Variants in DCC observed in about 807,000 individuals in gnomAD.
DCC encodes the protein netrin receptor DCC.
A neutral mutation model predicts 172.5 loss-of-function variants in DCC; 58 were observed. The observed-to-expected ratio is 0.34, with a 90% CI of 0.27 to 0.42. DCC has a LOEUF of 0.42. DCC is among the 10% of genes least tolerant of loss of function. The pLI is 1.00. For missense variants in DCC, 1,740 were observed against 1,791.0 expected (o/e 0.97, Z 0.51); for synonymous variants, 709 against 644.5 (o/e 1.10, Z -1.52).
chr18:53,194,766 G>A (rs1461046267), intron 9 of DCC, among the ~76,000 whole-genome samples: 2 of 152,122 alleles, frequency 1.3e-5, no homozygotes, highest in Admixed American at 6.5e-5. Flanking sequence ...CACCACGCCC[G>A]GCCCAGGTTT....
chr18:52,952,096 T>G (rs1178742065), intron 5 of DCC, among the ~76,000 whole-genome samples: 1 of 152,226 alleles, frequency 6.6e-6, no homozygotes. Flanking sequence ...TGATCACTTC[T>G]TCTCTAACCT....
intron 3 of DCC, among the ~76,000 whole-genome samples, chr18:52,921,190 G>T (rs1056672033): frequency 4.6e-5 from 7 of 152,112 alleles, no homozygotes; most frequent in African/African-American, 1.7e-4. Flanking sequence ...TAATGATAAT[G>T]TATCAATATT....
chr18:52,790,709 C>T (rs943473854), intron 2 of DCC, among the ~76,000 whole-genome samples: 4 of 152,140 alleles, frequency 2.6e-5, no homozygotes, highest in Admixed American at 6.5e-5. Flanking sequence ...TTCACCTTCC[C>T]GATTTTCTCT....
intron 27 of DCC, among the ~76,000 whole-genome samples, chr18:53,511,603 A>G (rs963599214): frequency 2.4e-4 from 36 of 152,220 alleles, no homozygotes; most frequent in African/African-American, 6.7e-4. Flanking sequence ...GTGGGTGCGC[A>G]CACCGTGCGC....
At chr18:53,528,638 T>C (rs2046485911) in intron 28 of DCC, among the ~76,000 whole-genome samples, 1 of 152,108 alleles carries the variant, frequency 6.6e-6, no homozygotes, top group East Asian at 1.9e-4. Context: ...CATTTGCCTA[T>C]GAAAACATAA....
intron 1 of DCC, among the ~76,000 whole-genome samples, chr18:52,726,156 A>G (rs2036548736): frequency 6.6e-6 from 1 of 152,246 alleles, no homozygotes; most frequent in East Asian, 1.9e-4. Flanking sequence ...CAGCCCTAGC[A>G]GATGACTAGT....
chr18:53,159,008 A>AAAAG (rs34406723), intron 8 of DCC, among the ~76,000 whole-genome samples: 5 of 119,180 alleles, frequency 4.2e-5, no homozygotes, highest in African/African-American at 1.3e-4. Flanking sequence ...AAAAAAAAGA[A>AAAAG]GAAGATGTAG....
intron 5 of DCC, among the ~76,000 whole-genome samples, chr18:53,059,794 C>T (rs2042468471): frequency 6.6e-6 from 1 of 151,990 alleles, no homozygotes; most frequent in Non-Finnish European, 1.5e-5. Flanking sequence ...CCAATATTGC[C>T]ACAGCAAAGG....
At chr18:52,751,987 A>G in intron 1 of DCC, 67 bp from the exon 2 acceptor site, 2 of 1,339,152 alleles carry the variant, frequency 1.5e-6, no homozygotes, top group Non-Finnish European at 2.1e-6. Flanking sequence ...TAAAGAAAAG[A>G]CAGGGAATCT....
intron 2 of DCC, among the ~76,000 whole-genome samples, chr18:52,778,609 C>T (rs1599100848): frequency 6.6e-6 from 1 of 152,124 alleles, no homozygotes; most frequent in Non-Finnish European, 1.5e-5. Context: ...ATATCTCATA[C>T]TGGTAACACA....
intron 1 of DCC, among the ~76,000 whole-genome samples, chr18:52,655,259 G>A (rs920784903): frequency 6.6e-6 from 1 of 152,072 alleles, no homozygotes; most frequent in African/African-American, 2.4e-5. Context: ...GGCTTGTTAA[G>A]CCTACTAAGT....
intron 5 of DCC, among the ~76,000 whole-genome samples, chr18:53,040,257 C>T (rs2042151337): frequency 6.6e-6 from 1 of 151,962 alleles, no homozygotes; most frequent in African/African-American, 2.4e-5. Context: ...CATGTATTCT[C>T]TCTTTAAATC....
At chr18:53,150,467 A>T (rs1233591835) in intron 7 of DCC, among the ~76,000 whole-genome samples, 3 of 152,222 alleles carry the variant, frequency 2.0e-5, no homozygotes, top group Non-Finnish European at 4.4e-5. Context: ...GATTAAAGTG[A>T]TAAACAGTTT....
chr18:52,853,327 A>G (rs1042597526), intron 2 of DCC, among the ~76,000 whole-genome samples: 12 of 152,204 alleles, frequency 7.9e-5, no homozygotes, highest in African/African-American at 2.4e-4. Context: ...AAGTCGTAAG[A>G]CCATCCTGTC....
chr18:52,653,503 C>T (rs2035184002), intron 1 of DCC, among the ~76,000 whole-genome samples: 1 of 152,112 alleles, frequency 6.6e-6, no homozygotes, highest in East Asian at 1.9e-4. Flanking sequence ...AATATAATTA[C>T]ATCGATGAAT....
At chr18:52,793,827 C>A (rs534554781) in intron 2 of DCC, among the ~76,000 whole-genome samples, 1 of 152,114 alleles carries the variant, frequency 6.6e-6, no homozygotes, top group Non-Finnish European at 1.5e-5. Context: ...GCAAGAGATA[C>A]GGGTGTAGTT....
chr18:52,913,485 G>A (rs986419504), intron 3 of DCC, among the ~76,000 whole-genome samples: 1 of 151,924 alleles, frequency 6.6e-6, no homozygotes, highest in Non-Finnish European at 1.5e-5. Flanking sequence ...CTCCCCCTCA[G>A]CAAATCAACC....
chr18:53,272,700 C>T (rs571553646), intron 12 of DCC, among the ~76,000 whole-genome samples: 29 of 152,166 alleles, frequency 1.9e-4, no homozygotes, highest in African/African-American at 6.0e-4. Flanking sequence ...AATGTAATTT[C>T]GTATATTTTT....
chr18:53,157,216 T>C lies in DCC; in HGVS notation c.1262-140T>C, dbSNP rs192509996. On this transcript the variant is annotated intron_variant, in intron 7 of 28. Transcript: ENST00000442544. ...CCTTTTATTCCATTTACTGTGTGCA[T>C]TCCCTTGGTTTTCTTCCTTGCTTTA... is the stretch of plus-strand genomic sequence containing the variant. The C allele has an allele frequency of 1.5e-3, 1,511 of 992,390 alleles. 4 individuals carry two copies. The highest frequency in any genetic ancestry group is 1.6e-3 in the Non-Finnish European group (973 of 623,252). The allele number at this position is 992,390 out of a possible 1,614,324, so 61.5% of individuals were successfully genotyped here.
Sources: gnomAD v4.1 joint callset for allele counts (sites outside exome capture counted in the v4.1 genomes callset) on GRCh38, gnomAD v4.1.1 for gene constraint, MANE v1.5 for transcripts, NCBI Gene and HGNC (gene_info 2026-07-23, HGNC 2026-07-21) for gene names.